The following XYLT1 variants were observed in gnomAD, a reference collection of about 807,000 sequenced individuals.
XYLT1 encodes xylosyltransferase 1, also known as beta-D-xylosyltransferase 1.
XYLT1 carries 36 observed loss-of-function variants against 91.3 expected under a neutral mutation model. The ratio of observed to expected loss-of-function variants is 0.39; its 90% CI spans 0.30 to 0.52. The LOEUF is 0.52. Among genes scored for constraint, XYLT1 ranks in the 20% least tolerant of loss-of-function variants. XYLT1 has a pLI of 0.68. For synonymous variants in XYLT1, 588 were observed against 532.0 expected, an observed-to-expected ratio of 1.11 and a Z score of -1.45; for missense variants, 1,242 against 1,284.5, an observed-to-expected ratio of 0.97 and a Z score of 0.51.
At chr16:17,114,875 C>T (rs1353826062) in intron 11 of XYLT1, among the ~76,000 whole-genome samples, 2 of 151,902 alleles carry the variant, frequency 1.3e-5, no homozygotes, top group South Asian at 2.1e-4. Flanking sequence ...GACAGAGTCT[C>T]GCTTTGTCAC....
intron 6 of XYLT1, among the ~76,000 whole-genome samples, chr16:17,144,392 T>C (rs1487076687): frequency 6.6e-6 from 1 of 152,182 alleles, no homozygotes; most frequent in Non-Finnish European, 1.5e-5. Flanking sequence ...GCAAATATGA[T>C]ACAGGCACAT....
At chr16:17,266,864 G>A (rs918557524) in intron 2 of XYLT1, among the ~76,000 whole-genome samples, 1 of 152,226 alleles carries the variant, frequency 6.6e-6, no homozygotes, top group Non-Finnish European at 1.5e-5. Context: ...CAGGGTAGGC[G>A]AACGGTGGAA....
Position 17,247,881 on chromosome 16 carries a change from G to GA in XYLT1, c.913+11106dup, listed in dbSNP as rs568289627. Among the ~76,000 whole-genome samples, 155 of 152,294 alleles carry GA rather than the reference G, an allele frequency of 1.0e-3. 1 individual carries two copies. The highest frequency in any genetic ancestry group is 2.3e-3 in the South Asian group (11 of 4,822). ...ATGTGTACCCTAAATCCAGGGCTAA[G>GA]AACTTGGGGGCAGGGGTTGCTTTCC... On this transcript the variant is annotated intron_variant, in intron 3 of 11. Coordinates refer to ENST00000261381, the MANE Select transcript of XYLT1 (RefSeq NM_022166.4).
chr16:17,291,478 T>C (rs1000089167), intron 2 of XYLT1, among the ~76,000 whole-genome samples: 2 of 152,136 alleles, frequency 1.3e-5, no homozygotes, highest in Admixed American at 6.5e-5. Context: ...GAACAACAGA[T>C]CCTGTGTGTC....
intron 2 of XYLT1, among the ~76,000 whole-genome samples, chr16:17,314,283 C>T (rs556017809): frequency 1.3e-5 from 2 of 152,264 alleles, no homozygotes; most frequent in East Asian, 3.9e-4. Context: ...GCCCTGACTT[C>T]AGGAGCCTCC....
intron 1 of XYLT1, among the ~76,000 whole-genome samples, chr16:17,395,712 T>C (rs2035875951): frequency 6.6e-6 from 1 of 152,222 alleles, no homozygotes; most frequent in African/African-American, 2.4e-5. Flanking sequence ...CAGGAGATCA[T>C]TCACAATATA....
intron 5 of XYLT1, among the ~76,000 whole-genome samples, chr16:17,172,479 T>C (rs2031846191): frequency 6.8e-6 from 1 of 147,200 alleles, no homozygotes; most frequent in Non-Finnish European, 1.5e-5. Flanking sequence ...TTTTTTTTTT[T>C]TTTTTTTTTG....
At chr16:17,234,177 G>A (rs1465203225) in intron 3 of XYLT1, among the ~76,000 whole-genome samples, 1 of 152,188 alleles carries the variant, frequency 6.6e-6, no homozygotes, top group African/African-American at 2.4e-5. Context: ...AGACTGGAGG[G>A]ATGAAGTGAT....
rs566436756 is a variant in XYLT1, at chr16:17,340,192, A to C, written c.402+17820T>G. 3.9e-5 allele frequency among the ~76,000 whole-genome samples: 6 copies of C among 152,192 alleles called. No homozygotes were observed. The South Asian group carries it at 1.2e-3, about 32-fold the overall frequency. On this transcript the variant is annotated intron_variant, in intron 2 of 11. Transcript: ENST00000261381. Reference sequence around the variant, plus strand: ...TATCCATCCATCTGATTCAATCTACAGTTCTAACAGTTGACACCTCTGCAG... The same window carrying C: ...TATCCATCCATCTGATTCAATCTACCGTTCTAACAGTTGACACCTCTGCAG...
chr16:17,454,035 T>A (rs1177714405), intron 1 of XYLT1, among the ~76,000 whole-genome samples: 1 of 152,236 alleles, frequency 6.6e-6, no homozygotes, highest in African/African-American at 2.4e-5. Context: ...ATAAGCCTTG[T>A]TACAGAGTTT....
intron 1 of XYLT1, among the ~76,000 whole-genome samples, chr16:17,434,420 G>C (rs185898088): frequency 2.6e-5 from 4 of 152,152 alleles, no homozygotes; most frequent in African/African-American, 4.8e-5. Flanking sequence ...TCTGTCTTTC[G>C]TAAGTATGCA....
intron 11 of XYLT1, among the ~76,000 whole-genome samples, chr16:17,113,051 C>T (rs1456422930): frequency 6.6e-6 from 1 of 152,022 alleles, no homozygotes; most frequent in Non-Finnish European, 1.5e-5. Context: ...GTTGGTCAGG[C>T]TGGTCTTGAA....
intron 2 of XYLT1, among the ~76,000 whole-genome samples, chr16:17,345,654 G>A (rs1196173057): frequency 1.3e-5 from 2 of 152,244 alleles, no homozygotes; most frequent in African/African-American, 4.8e-5. Context: ...GTGATGCACT[G>A]AGCAAGTGAA....
intron 2 of XYLT1, among the ~76,000 whole-genome samples, chr16:17,348,132 G>C (rs1052443455): frequency 2.0e-5 from 3 of 152,144 alleles, no homozygotes; most frequent in Non-Finnish European, 4.4e-5. Flanking sequence ...AAAGGAGAGG[G>C]GTGGAGAGTG....
intron 5 of XYLT1, among the ~76,000 whole-genome samples, chr16:17,165,081 T>C (rs4782024): frequency 0.93 from 142,251 of 152,246 alleles, 66,604 homozygotes; most frequent in Non-Finnish European, 0.97. Context: ...TATTGTAACC[T>C]TTTCCTATGC....
rs757356673 is a variant in XYLT1 at position 17,200,537 on chromosome 16, C to A, written c.1031G>T (p.Arg344Leu). ...VHGRASRQLQ[R>L]MFKAIYHKDH... is the part of the protein sequence containing the mutation. ...TTTGTGGTAGATGGCCTTGAACATGCGCTGCAACTGCCGAGAGGCACGGCC... is the reference window on the plus strand; with the variant it reads ...TTTGTGGTAGATGGCCTTGAACATGAGCTGCAACTGCCGAGAGGCACGGCC... The change falls in exon 4 of 12, where the codon CGC becomes CTC. Residue 344 changes from arginine (R) to leucine (L), a missense_variant. Coordinates refer to ENST00000261381, the MANE Select transcript of XYLT1 (RefSeq NM_022166.4). The A allele has an allele frequency of 1.9e-6, 3 of 1,614,176 alleles. No individual in the cohort carries two copies. The highest frequency in any genetic ancestry group is 2.5e-6 in the Non-Finnish European group (3 of 1,180,024).
chr16:17,389,818 T>G (rs971016263), intron 1 of XYLT1, among the ~76,000 whole-genome samples: 1 of 152,220 alleles, frequency 6.6e-6, no homozygotes, highest in African/African-American at 2.4e-5. Context: ...TTTTATCCTC[T>G]GCTATAATCA....
intron 2 of XYLT1, among the ~76,000 whole-genome samples, chr16:17,259,825 T>G (rs1330595719): frequency 6.6e-6 from 1 of 152,234 alleles, no homozygotes; most frequent in East Asian, 1.9e-4. Context: ...ACAAACATTT[T>G]GTTCCAGCGT....
At chr16:17,445,212 C>G (rs1596549625) in intron 1 of XYLT1, among the ~76,000 whole-genome samples, 1 of 152,138 alleles carries the variant, frequency 6.6e-6, no homozygotes, top group Admixed American at 6.5e-5. Context: ...CCAGGCTGGT[C>G]TCAAGGAGCC....
Sources: allele counts gnomAD v4.1 joint callset (sites outside exome capture counted in the v4.1 genomes callset), GRCh38; gene constraint gnomAD v4.1.1; transcripts MANE v1.5; gene names NCBI Gene and HGNC (gene_info 2026-07-23, HGNC 2026-07-21).